The following TTC7A variants were observed in gnomAD, a reference collection of about 807,000 sequenced individuals.
TTC7A encodes tetratricopeptide repeat domain 7A, also known as tetratricopeptide repeat protein 7A.
A neutral mutation model predicts 103.7 loss-of-function variants in TTC7A; 110 were observed. That is an observed-to-expected ratio of 1.06 (90% confidence interval 0.91 to 1.24). The LOEUF (loss-of-function observed/expected upper bound fraction) is 1.24, where lower values mean the gene tolerates loss of function less well. Among genes scored for constraint, TTC7A ranks in the 50% most tolerant of loss-of-function variants. TTC7A has a pLI of 0.00. For synonymous variants in TTC7A, 521 were observed against 467.9 expected, an observed-to-expected ratio of 1.11 and a Z score of -1.47; for missense variants, 1,340 against 1,116.3, an observed-to-expected ratio of 1.20 and a Z score of -2.86.
intron 2 of TTC7A, among the ~76,000 whole-genome samples, chr2:46,934,527 A>G (rs544627649): frequency 1.3e-5 from 2 of 151,620 alleles, no homozygotes; most frequent in Admixed American, 6.6e-5. Context: ...ACCCACCTCA[A>G]CCTCCCAAAT....
intron 18 of TTC7A, among the ~76,000 whole-genome samples, chr2:47,059,466 A>C (rs1425189285): frequency 6.6e-6 from 1 of 152,000 alleles, no homozygotes; most frequent in Non-Finnish European, 1.5e-5. Flanking sequence ...GCTGTTACCA[A>C]CACTGCCTGG....
intron 2 of TTC7A, chr2:46,917,354 T>G: frequency 1.7e-6 from 1 of 600,052 alleles, no homozygotes; most frequent in Non-Finnish European, 2.9e-6. Flanking sequence ...TCTTCTTTCC[T>G]TACTCTGAAC....
rs786205698 is a variant in TTC7A, at chr2:47,024,294, C to T, written c.1576C>T (p.Gln526Ter). ...CTCCCTCTCCCCACACAGGGCTCAG[C>T]AGCTGGCGCCCAGTGACCCCCAGGT... ...KALQTLERAQ[Q>*]LAPSDPQVIL... Residue 526 changes from glutamine (Q) to a stop codon, truncating the protein, a stop_gained, in exon 14 of 20, where the codon CAG becomes TAG. Transcript: ENST00000319190. LOFTEE classifies it high-confidence loss of function. 1 of 1,606,364 alleles carries T rather than the reference C, an allele frequency of 6.2e-7. No homozygotes were observed. The highest frequency in any genetic ancestry group is 1.7e-5 in the Admixed American group (1 of 59,280).
chr2:46,959,933 A>T (rs1261066421), intron 3 of TTC7A, among the ~76,000 whole-genome samples: 5 of 152,212 alleles, frequency 3.3e-5, no homozygotes. Flanking sequence ...TGTCCATGTC[A>T]CATTTGCTTA....
intron 11 of TTC7A, among the ~76,000 whole-genome samples, chr2:47,013,616 A>G (rs1678310445): frequency 6.6e-6 from 1 of 152,200 alleles, no homozygotes; most frequent in African/African-American, 2.4e-5. Context: ...GAAGCCCTAA[A>G]TTTAGGTCTT....
chr2:46,994,633 C>T (rs1292860817), intron 7 of TTC7A, 119 bp downstream of exon 7: 21 of 1,002,426 alleles, frequency 2.1e-5, no homozygotes, highest in Non-Finnish European at 2.7e-5. Flanking sequence ...AGCACACTGC[C>T]AGCCAGCCTC....
intron 2 of TTC7A, 24 bp from the exon 3 acceptor site, chr2:46,956,815 G>A (rs985792283): frequency 3.1e-6 from 5 of 1,612,940 alleles, no homozygotes; most frequent in African/African-American, 2.7e-5. Flanking sequence ...GGCAGGCGCT[G>A]GTAACATGTC....
intron 18 of TTC7A, among the ~76,000 whole-genome samples, chr2:47,054,845 A>C (rs561630889): frequency 6.6e-6 from 1 of 151,838 alleles, no homozygotes; most frequent in East Asian, 1.9e-4. Flanking sequence ...CAAAAAAAAA[A>C]AAAAAGTCAG....
intron 1 of TTC7A, among the ~76,000 whole-genome samples, chr2:46,944,479 A>C (rs1450570742): frequency 1.4e-5 from 2 of 146,530 alleles, no homozygotes; most frequent in African/African-American, 5.1e-5. Flanking sequence ...TCGTGGGCTC[A>C]AGGGAACCTT....
intron 2 of TTC7A, chr2:46,951,882 C>A: frequency 2.9e-6 from 1 of 344,412 alleles, no homozygotes; most frequent in South Asian, 2.2e-5. Flanking sequence ...GTCCTATCAG[C>A]AAGTAAATAG....
chr2:47,038,431 G>C (rs539862386), intron 15 of TTC7A, among the ~76,000 whole-genome samples: 30 of 152,256 alleles, frequency 2.0e-4, no homozygotes, highest in Non-Finnish European at 3.5e-4. Context: ...CTGGCCTCCT[G>C]GCCAAGGAAT....
At chr2:47,073,207 G>A (rs1441493981) in intron 19 of TTC7A, among the ~76,000 whole-genome samples, 1 of 152,210 alleles carries the variant, frequency 6.6e-6, no homozygotes, top group East Asian at 1.9e-4. Flanking sequence ...CTGGAGTGAA[G>A]GGCAGCTCTG....
At chr2:46,945,388 G>A (rs1414697779) in intron 1 of TTC7A, among the ~76,000 whole-genome samples, 1 of 152,194 alleles carries the variant, frequency 6.6e-6, no homozygotes, top group African/African-American at 2.4e-5. Flanking sequence ...AAGTAGCTGG[G>A]ACTACAGGTG....
At chr2:46,916,781 C>G (rs981838549) in intron 1 of TTC7A, among the ~76,000 whole-genome samples, 1 of 151,826 alleles carries the variant, frequency 6.6e-6, no homozygotes, top group Non-Finnish European at 1.5e-5. Flanking sequence ...ATTACAGGCG[C>G]GTGCCACCTT....
At chr2:47,043,593 G>T (rs915078683) in intron 15 of TTC7A, among the ~76,000 whole-genome samples, 24 of 152,204 alleles carry the variant, frequency 1.6e-4, no homozygotes, top group African/African-American at 5.8e-4. Context: ...GGCACAGAAG[G>T]TGAGGACCAC....
At chr2:47,047,056 C>T in intron 16 of TTC7A, 1 of 555,634 alleles carries the variant, frequency 1.8e-6, no homozygotes, top group South Asian at 2.3e-5. Context: ...GCAGGGCACT[C>T]TTGTCCAGGC....
At chr2:46,969,134 TTA>T (rs1267237110) in intron 3 of TTC7A, among the ~76,000 whole-genome samples, 1 of 152,012 alleles carries the variant, frequency 6.6e-6, no homozygotes, top group Non-Finnish European at 1.5e-5. Flanking sequence ...TGCATTTTTT[TTA>T]TGTCTGGTTT....
At chr2:47,013,375 C>T (rs919077003) in intron 11 of TTC7A, among the ~76,000 whole-genome samples, 7 of 152,168 alleles carry the variant, frequency 4.6e-5, no homozygotes, top group African/African-American at 1.4e-4. Context: ...GCACGTGCAG[C>T]AGAGGGTGGA....
At chr2:47,054,446 C>T (rs181333490) in intron 18 of TTC7A, among the ~76,000 whole-genome samples, 152 of 152,296 alleles carry the variant, frequency 1.0e-3, no homozygotes, top group African/African-American at 3.5e-3. Context: ...CATCACCTCC[C>T]CTCATGATCC....
Sources: gnomAD v4.1 joint callset for allele counts (sites outside exome capture counted in the v4.1 genomes callset) on GRCh38, gnomAD v4.1.1 for gene constraint, MANE v1.5 for transcripts, NCBI Gene and HGNC (gene_info 2026-07-23, HGNC 2026-07-21) for gene names.